The following EPHB1 variants were observed in gnomAD, a reference collection of about 807,000 sequenced individuals.
EPHB1 encodes the protein ephrin type-B receptor 1.
EPHB1 carries 30 observed loss-of-function variants against 94.4 expected under a neutral mutation model. That is an observed-to-expected ratio of 0.32 (90% CI 0.24 to 0.43). EPHB1 has a LOEUF of 0.43. EPHB1 is among the 20% of genes least tolerant of loss of function. EPHB1 has a pLI of 1.00. For synonymous variants in EPHB1, 522 were observed against 489.1 expected (o/e 1.07, Z -0.89); for missense variants, 1,055 against 1,308.3 (o/e 0.81, Z 2.99).
chr3:134,875,568 A>G (rs964869135), intron 1 of EPHB1, among the ~76,000 whole-genome samples: 2 of 152,158 alleles, frequency 1.3e-5, no homozygotes, highest in African/African-American at 4.8e-5. Context: ...TAATGGTGCC[A>G]TGGTCGCAGG....
At chr3:135,027,728 G>A (rs1376914649) in intron 3 of EPHB1, among the ~76,000 whole-genome samples, 22 of 146,018 alleles carry the variant, frequency 1.5e-4, no homozygotes, top group Admixed American at 1.3e-3. Flanking sequence ...TCAGAATGAT[G>A]CTGGCCTCAT....
chr3:134,929,559 G>A (rs1339764350), intron 2 of EPHB1, among the ~76,000 whole-genome samples: 1 of 152,204 alleles, frequency 6.6e-6, no homozygotes, highest in Admixed American at 6.5e-5. Context: ...GAAGGGGCCA[G>A]GGGCTGAGGA....
intron 2 of EPHB1, among the ~76,000 whole-genome samples, chr3:134,945,766 G>A (rs1560309161): frequency 6.6e-6 from 1 of 152,206 alleles, no homozygotes; most frequent in Non-Finnish European, 1.5e-5. Context: ...AGAAGTGGAG[G>A]CTAAGAAGCA....
Position 135,063,875 on chromosome 3 carries a change from C to T in EPHB1, c.806-42573C>T, listed in dbSNP as rs138540987. 2.3e-3 allele frequency among the ~76,000 whole-genome samples: 343 copies of T among 152,162 alleles called. 1 individual carries two copies. Among genetic ancestry groups the T allele is most frequent in the African/African-American group, 7.8e-3 (323 of 41,508 alleles). On this transcript the variant is annotated intron_variant, in intron 3 of 15. Transcript: ENST00000398015. ...TACATTGAGGTGTGTCCCTTGTATG[C>T]TGATTTTGCTGAGAGTTTTAATCAT...
At chr3:134,934,459 C>A (rs1358881338) in intron 2 of EPHB1, among the ~76,000 whole-genome samples, 1 of 152,050 alleles carries the variant, frequency 6.6e-6, no homozygotes, top group Admixed American at 6.6e-5. Context: ...TCAATGGATC[C>A]CCAGGGGAGG....
chr3:135,214,413 C>T (rs1182278349), intron 12 of EPHB1, among the ~76,000 whole-genome samples: 2 of 152,216 alleles, frequency 1.3e-5, no homozygotes, highest in African/African-American at 2.4e-5. Flanking sequence ...CTCTAGGGCA[C>T]CAGGCATGAA....
At chr3:135,166,815 G>T in intron 8 of EPHB1, 127 bp from the exon 9 acceptor site, 1 of 891,998 alleles carries the variant, frequency 1.1e-6, no homozygotes, top group South Asian at 1.6e-5. Flanking sequence ...AGTGAGAGTT[G>T]CCCAGTCCCT....
intron 1 of EPHB1, among the ~76,000 whole-genome samples, chr3:134,872,214 C>A (rs950341686): frequency 6.6e-6 from 1 of 152,156 alleles, no homozygotes; most frequent in African/African-American, 2.4e-5. Context: ...AACTGTTTTG[C>A]CTCTCCAGGA....
intron 4 of EPHB1, among the ~76,000 whole-genome samples, chr3:135,116,989 G>T (rs555527657): frequency 6.6e-6 from 1 of 152,290 alleles, no homozygotes; most frequent in Admixed American, 6.5e-5. Context: ...GCTTCACTTG[G>T]GTGTGACAAA....
At chr3:134,808,053 G>A (rs1166971546) in intron 1 of EPHB1, among the ~76,000 whole-genome samples, 1 of 152,214 alleles carries the variant, frequency 6.6e-6, no homozygotes, top group Non-Finnish European at 1.5e-5. Context: ...GTTCATAGAG[G>A]TCAGAGGCAT....
At chr3:135,148,269 C>A (rs966346646) in intron 5 of EPHB1, among the ~76,000 whole-genome samples, 1 of 152,136 alleles carries the variant, frequency 6.6e-6, no homozygotes, top group Non-Finnish European at 1.5e-5. Flanking sequence ...TAAGAAGAAA[C>A]CTTTGAAGAT....
intron 1 of EPHB1, among the ~76,000 whole-genome samples, chr3:134,864,699 C>T (rs191678180): frequency 5.9e-5 from 9 of 152,258 alleles, no homozygotes; most frequent in Admixed American, 2.0e-4. Context: ...CAAAATATTG[C>T]GGCAAGTGGG....
intron 3 of EPHB1, among the ~76,000 whole-genome samples, chr3:134,998,307 G>A: frequency 6.6e-6 from 1 of 152,180 alleles, no homozygotes. Flanking sequence ...GCTATGCTGT[G>A]TATAGATGTT....
intron 3 of EPHB1, among the ~76,000 whole-genome samples, chr3:135,004,013 G>A (rs1250873194): frequency 1.3e-5 from 2 of 150,242 alleles, no homozygotes; most frequent in East Asian, 3.9e-4. Flanking sequence ...GATGTTAGCT[G>A]GTTATTTTGC....
chr3:135,004,991 G>A (rs148338668), intron 3 of EPHB1, among the ~76,000 whole-genome samples: 4,632 of 152,278 alleles, frequency 0.03, 116 homozygotes, highest in South Asian at 0.072. Flanking sequence ...GCTTTGTTCC[G>A]TTGCTGGTGA....
intron 12 of EPHB1, among the ~76,000 whole-genome samples, chr3:135,236,311 T>C (rs1233575920): frequency 6.6e-6 from 1 of 152,082 alleles, no homozygotes; most frequent in Non-Finnish European, 1.5e-5. Context: ...GTTGCTGTAT[T>C]TTCATTCGGC....
chr3:135,135,758 C>A (rs1043522610), intron 5 of EPHB1, among the ~76,000 whole-genome samples: 1 of 152,124 alleles, frequency 6.6e-6, no homozygotes, highest in Non-Finnish European at 1.5e-5. Context: ...AGAATTTGAC[C>A]AAGAGGAGTC....
At chr3:135,063,227 T>C (rs1175472803) in intron 3 of EPHB1, among the ~76,000 whole-genome samples, 1 of 152,126 alleles carries the variant, frequency 6.6e-6, no homozygotes, top group Non-Finnish European at 1.5e-5. Flanking sequence ...GTGAAGAATG[T>C]TGGAGGTATT....
intron 3 of EPHB1, among the ~76,000 whole-genome samples, chr3:135,060,187 C>T (rs996902979): frequency 2.0e-5 from 3 of 152,222 alleles, no homozygotes; most frequent in Non-Finnish European, 4.4e-5. Context: ...ACGACATTTC[C>T]AGCTCCCCTC....
Sources: allele counts gnomAD v4.1 joint callset (sites outside exome capture counted in the v4.1 genomes callset), GRCh38; gene constraint gnomAD v4.1.1; transcripts MANE v1.5; gene names NCBI Gene and HGNC (gene_info 2026-07-23, HGNC 2026-07-21).